PIK3AP1: variants seen among roughly 807,000 people sequenced by gnomAD.
The protein encoded by PIK3AP1 is phosphoinositide 3-kinase adapter protein 1.
A neutral mutation model predicts 88.1 loss-of-function variants in PIK3AP1; 21 were observed. The observed-to-expected ratio is 0.24, with a 90% CI of 0.17 to 0.34. The LOEUF (loss-of-function observed/expected upper bound fraction) is 0.34, where lower values mean the gene tolerates loss of function less well. Ranked by LOEUF, PIK3AP1 falls within the 10% of genes least tolerant of loss-of-function variation. The pLI is 1.00. For missense variants in PIK3AP1, 828 were observed against 1,035.7 expected, an observed-to-expected ratio of 0.80 and a Z score of 2.75; for synonymous variants, 398 against 400.0, an observed-to-expected ratio of 1.00 and a Z score of 0.06.
At chr10:96,609,951 C>T in intron 13 of PIK3AP1, 84 bp from the exon 14 acceptor site, 1 of 1,489,526 alleles carries the variant, frequency 6.7e-7, no homozygotes, top group Non-Finnish European at 9.3e-7. Flanking sequence ...CTCCACCTGC[C>T]TCTCTCACAG....
chr10:96,605,908 AC>A (rs1208167956), intron 14 of PIK3AP1, among the ~76,000 whole-genome samples: 1 of 152,048 alleles, frequency 6.6e-6, no homozygotes, highest in Admixed American at 6.5e-5. Flanking sequence ...AGATGGTGAA[AC>A]CCCGTATCTA....
chr10:96,611,198 C>G (rs1172346142), intron 13 of PIK3AP1, among the ~76,000 whole-genome samples: 9 of 152,208 alleles, frequency 5.9e-5, no homozygotes, highest in Non-Finnish European at 8.8e-5. Context: ...GCACAGGCAC[C>G]AGCCTTCCTC....
At chr10:96,620,867 G>A (rs980433417) in intron 11 of PIK3AP1, 2 of 279,442 alleles carry the variant, frequency 7.2e-6, no homozygotes, top group African/African-American at 4.3e-5. Context: ...TTTCTGGTAA[G>A]AAAACCGTAC....
rs1843558950 is a variant in PIK3AP1, at chr10:96,652,803, C to A, written c.607G>T (p.Asp203Tyr). The change falls in exon 4 of 17, where the codon GAT becomes TAT. Residue 203 changes from aspartate to tyrosine, a missense_variant. Around this residue, in one of 3 missense-constraint regions of PIK3AP1, gnomAD observed 610 missense variants for 760.1 expected, o/e 0.80. Transcript: ENST00000339364. ...TCTGCTTCTGTCGCCACCCTGTCAT[C>A]CAGCTTACATCTCACAATAACATAG... ...TVYVIVRCKLDDRVATEAEFS... is the reference protein window; with the variant it reads ...TVYVIVRCKLYDRVATEAEFS... 3.1e-6 allele frequency: 5 copies of A among 1,613,972 alleles called. No homozygotes were observed. The highest frequency in any genetic ancestry group is 4.2e-6 in the Non-Finnish European group (5 of 1,180,018).
intron 6 of PIK3AP1, 86 bp from the exon 7 acceptor site, chr10:96,648,941 T>C: frequency 8.3e-7 from 1 of 1,207,770 alleles, no homozygotes; most frequent in South Asian, 1.7e-5. Context: ...CTGCCAAGAC[T>C]AGCATGGCAA....
chr10:96,626,784 A>G lies in PIK3AP1; in HGVS notation c.1593T>C (p.Pro531=). Residue 531 remains proline (P), a synonymous_variant, in exon 10 of 17, where the codon CCT becomes CCC. Transcript: ENST00000339364. ...TGGTCTCTGGTCTGGGCACTGGGAC[A>G]GGGGGCCTGCTGGCCAGGTCCACAG... ...AFSVDLASRP[P]VPVPRPETTA... is the part of the protein sequence containing the mutation. 3 of 1,614,236 alleles carry G rather than the reference A, an allele frequency of 1.9e-6. No homozygotes were observed. The highest frequency in any genetic ancestry group is 1.7e-6 in the Non-Finnish European group (2 of 1,180,018).
Position 96,595,427 on chromosome 10 carries a change from C to T in PIK3AP1, c.*150G>A, listed in dbSNP as rs1848737886. On this transcript the variant is annotated 3_prime_UTR_variant, in exon 17 of 17. Transcript: ENST00000339364. Reference sequence around the variant, plus strand: ...GCCTTAATAAAATCTTCGAGGCAAGCCCAAACCAGCAGGGCTGCAGCATTA... The same window carrying T: ...GCCTTAATAAAATCTTCGAGGCAAGTCCAAACCAGCAGGGCTGCAGCATTA... 1.2e-6 allele frequency: 1 copy of T among 864,476 alleles called. No homozygotes were observed. The allele number at this position is 864,476 out of a possible 1,614,324, so 53.6% of individuals were successfully genotyped here. A position where few individuals can be genotyped will look rare whatever the true frequency, so the allele number is the denominator to read the frequency against.
chr10:96,666,703 T>C (rs1843767722), intron 2 of PIK3AP1, among the ~76,000 whole-genome samples: 2 of 152,090 alleles, frequency 1.3e-5, no homozygotes, highest in Non-Finnish European at 2.9e-5. Flanking sequence ...TTGTTAAATA[T>C]TATGGTGACT....
intron 1 of PIK3AP1, among the ~76,000 whole-genome samples, chr10:96,712,249 T>C (rs943097585): frequency 3.3e-5 from 5 of 152,128 alleles, no homozygotes; most frequent in African/African-American, 1.2e-4. Context: ...AAGGCAATCT[T>C]AGACAAACAG....
Position 96,648,761 on chromosome 10 carries a change from G to T in PIK3AP1, c.1083C>A (p.Ala361=). 6.2e-7 allele frequency: 1 copy of T among 1,610,408 alleles called. No homozygotes were observed. Among genetic ancestry groups the T allele is most frequent in the South Asian group, 1.1e-5 (1 of 90,068 alleles). The change falls in exon 7 of 17, where the codon GCC becomes GCA. Residue 361 remains alanine, a synonymous_variant. Coordinates refer to ENST00000339364, the MANE Select transcript of PIK3AP1 (RefSeq NM_152309.3). ...TGTTGGCCACGCTGTACGCCTGCAG[G>T]GCTCCTGGGCAGGTGAGCAACAAGG... ...LTALLLTCPG[A]LQAYSVANKH... is the part of the protein sequence containing the mutation.
intron 16 of PIK3AP1, among the ~76,000 whole-genome samples, chr10:96,599,859 T>A (rs1025943638): frequency 1.3e-5 from 2 of 152,194 alleles, no homozygotes; most frequent in African/African-American, 4.8e-5. Flanking sequence ...CCCATCTCTA[T>A]CACAACTTGC....
chr10:96,711,551 T>C (rs554728894), intron 1 of PIK3AP1, among the ~76,000 whole-genome samples: 177 of 152,278 alleles, frequency 1.2e-3, no homozygotes, highest in African/African-American at 4.1e-3. Flanking sequence ...CTGGGCCGCA[T>C]TTCATTGATG....
chr10:96,633,067 A>C, intron 8 of PIK3AP1: 3 of 1,586,246 alleles, frequency 1.9e-6, no homozygotes. Context: ...CATGTCCTAC[A>C]AGAGCAATTT....
At chr10:96,617,801 G>A (rs1365329242) in intron 12 of PIK3AP1, among the ~76,000 whole-genome samples, 1 of 152,224 alleles carries the variant, frequency 6.6e-6, no homozygotes, top group African/African-American at 2.4e-5. Flanking sequence ...GCACAGAGAG[G>A]CTGTTGGGAA....
intron 2 of PIK3AP1, among the ~76,000 whole-genome samples, chr10:96,706,522 A>G (rs1844366178): frequency 6.6e-6 from 1 of 152,194 alleles, no homozygotes; most frequent in Non-Finnish European, 1.5e-5. Context: ...TGTGGCAAGA[A>G]GGTCATACTT....
chr10:96,691,995 GTGCAA>G lies in PIK3AP1; in HGVS notation c.430+17567_430+17571del, dbSNP rs544073896. On this transcript the variant is annotated intron_variant, in intron 2 of 16. Transcript: ENST00000339364. ...AAGATTTCTCCACAATAAACTATGA[GTGCAA>G]TGTGATTTGGTTTTACAGGGTAATT... is the stretch of plus-strand genomic sequence containing the variant. Among the ~76,000 whole-genome samples the G allele has an allele frequency of 2.4e-3, 372 of 152,090 alleles. 1 individual carries two copies. Among genetic ancestry groups the G allele is most frequent in the African/African-American group, 8.6e-3 (357 of 41,484 alleles).
chr10:96,700,910 C>CA (rs1844289176), intron 2 of PIK3AP1: 1 of 983,034 alleles, frequency 1.0e-6, no homozygotes, highest in African/African-American at 1.8e-5. Flanking sequence ...GCGCCAAGGC[C>CA]AGGCTCTGAG....
intron 2 of PIK3AP1, among the ~76,000 whole-genome samples, chr10:96,661,135 G>T (rs1305159882): frequency 1.3e-5 from 2 of 152,008 alleles, no homozygotes; most frequent in African/African-American, 4.8e-5. Flanking sequence ...GTTGCAGTGA[G>T]CTGAGATTGC....
intron 13 of PIK3AP1, among the ~76,000 whole-genome samples, chr10:96,613,880 A>G (rs964751272): frequency 1.3e-5 from 2 of 152,102 alleles, no homozygotes; most frequent in African/African-American, 4.8e-5. Flanking sequence ...AACTCATTCA[A>G]TGCTCCCTAA....
Sources: gnomAD v4.1 joint callset for allele counts (sites outside exome capture counted in the v4.1 genomes callset) on GRCh38, gnomAD v4.1.1 for gene constraint, gnomAD v4.1.1 regional missense constraint, MANE v1.5 for transcripts, NCBI Gene and HGNC (gene_info 2026-07-23, HGNC 2026-07-21) for gene names.